The following PCSK2 variants were observed in gnomAD, a reference collection of about 807,000 sequenced individuals.
The protein encoded by PCSK2 is neuroendocrine convertase 2.
In PCSK2, 14 loss-of-function variants were observed where a neutral mutation model predicts 69.7. That is an observed-to-expected ratio of 0.20 (90% CI 0.13 to 0.31). The LOEUF is 0.31. PCSK2 is among the 10% of genes least tolerant of loss of function. PCSK2 has a pLI of 1.00. For synonymous variants in PCSK2, 307 were observed against 320.7 expected (o/e 0.96, Z 0.46); for missense variants, 544 against 842.5 (o/e 0.65, Z 4.39).
intron 2 of PCSK2, among the ~76,000 whole-genome samples, chr20:17,335,968 G>A (rs1333371957): frequency 6.6e-6 from 1 of 151,682 alleles, no homozygotes; most frequent in East Asian, 1.9e-4. Flanking sequence ...TTTGAATTGT[G>A]TGGCTCATCA....
In PCSK2 at chr20:17,339,797, G is replaced by A. The variant is rs138742120; in HGVS notation, c.283-18530G>A. ...CAGCTCCCCTGTCATTGCTGCCCTC[G>A]GTCTAAGGACCAGCAATGGAAAAGA... On this transcript the variant is annotated intron_variant, in intron 2 of 11. Coordinates refer to ENST00000262545, the MANE Select transcript of PCSK2 (RefSeq NM_002594.5). 4.2e-3 allele frequency among the ~76,000 whole-genome samples: 636 copies of A among 152,186 alleles called. 1 individual carries two copies. Among genetic ancestry groups the A allele is most frequent in the East Asian group, 0.018 (92 of 5,170 alleles).
chr20:17,453,400 C>T lies in PCSK2; in HGVS notation c.886-342C>T, dbSNP rs2032861631. 6.6e-6 allele frequency among the ~76,000 whole-genome samples: 1 copy of T among 152,030 alleles called. No homozygotes were observed. Among genetic ancestry groups the T allele is most frequent in the Non-Finnish European group, 1.5e-5 (1 of 67,994 alleles). ...AGAGAGTTGTTTTTTATTTTCCTTT[C>T]CATACAGTTAGACTTTTCATTGTGA... On this transcript the variant is annotated intron_variant, in intron 8 of 11. Coordinates refer to ENST00000262545, the MANE Select transcript of PCSK2 (RefSeq NM_002594.5). The surrounding 1 kb of genome is among the most constrained non-coding windows in gnomAD (Gnocchi z 4.0).
chr20:17,446,103 A>G lies in PCSK2; in HGVS notation c.886-7639A>G, dbSNP rs1371530487. ...GAAATTCACCCGAGGTTAGAAGTTG[A>G]CATGAATGTAAACTCAGCAGCACCT... is the stretch of plus-strand genomic sequence containing the variant. On this transcript the variant is annotated intron_variant, in intron 8 of 11. Coordinates refer to ENST00000262545, the MANE Select transcript of PCSK2 (RefSeq NM_002594.5). 8.5e-5 allele frequency among the ~76,000 whole-genome samples: 13 copies of G among 152,350 alleles called. No individual in the cohort carries two copies. The East Asian group carries it at 2.5e-3, about 29-fold the overall frequency.
At chr20:17,337,019 C>T (rs1990372076) in intron 2 of PCSK2, among the ~76,000 whole-genome samples, 1 of 152,152 alleles carries the variant, frequency 6.6e-6, no homozygotes, top group African/African-American at 2.4e-5. Flanking sequence ...AGAAACCATG[C>T]ATCAACATTA....
intron 7 of PCSK2, among the ~76,000 whole-genome samples, chr20:17,436,362 G>T (rs1359471059): frequency 6.6e-6 from 1 of 152,142 alleles, no homozygotes; most frequent in Non-Finnish European, 1.5e-5. Context: ...AAACTTGGCT[G>T]CAGCCAACAC....
chr20:17,402,914 G>A (rs1455095344), intron 5 of PCSK2, among the ~76,000 whole-genome samples: 1 of 150,476 alleles, frequency 6.6e-6, no homozygotes, highest in East Asian at 1.9e-4. Context: ...CCAAGATCAC[G>A]CCACTGCACT....
chr20:17,326,746 C>T (rs540461303), intron 2 of PCSK2, among the ~76,000 whole-genome samples: 11 of 152,306 alleles, frequency 7.2e-5, no homozygotes, highest in South Asian at 4.1e-4. Flanking sequence ...TTACAAATGA[C>T]GGATTTGTTA....
chr20:17,277,907 A>G (rs1213052495), intron 2 of PCSK2, among the ~76,000 whole-genome samples: 1 of 152,144 alleles, frequency 6.6e-6, no homozygotes, highest in Non-Finnish European at 1.5e-5. Flanking sequence ...AAAGTGGGCG[A>G]AGGATATGAA....
chr20:17,308,270 C>T (rs1442842158), intron 2 of PCSK2, among the ~76,000 whole-genome samples: 4 of 152,224 alleles, frequency 2.6e-5, no homozygotes, highest in African/African-American at 9.6e-5. Flanking sequence ...ACCTCCAACA[C>T]TGGGGATTAC....
chr20:17,433,438 T>C (rs118130271), intron 7 of PCSK2, among the ~76,000 whole-genome samples: 4,594 of 152,310 alleles, frequency 0.03, 94 homozygotes, highest in South Asian at 0.064. Context: ...AAAAGTGGCA[T>C]TGATGAGCAC....
chr20:17,453,373 CTA>C lies in PCSK2; in HGVS notation c.886-368_886-367del, dbSNP rs1418092720. The stretch of plus-strand genomic sequence containing the variant: ...TGTAAGAATGAGATAATAATTACCT[CTA>C]GAGAGTTGTTTTTTATTTTCCTTTC... On this transcript the variant is annotated intron_variant, in intron 8 of 11. Coordinates refer to ENST00000262545, the MANE Select transcript of PCSK2 (RefSeq NM_002594.5). This position sits in a 1 kb window ranked among gnomAD's most constrained non-coding sequence, Gnocchi z 4.0. Among the ~76,000 whole-genome samples, 2 of 152,114 alleles carry C rather than the reference CTA, an allele frequency of 1.3e-5. No homozygotes were observed. The highest frequency in any genetic ancestry group is 2.9e-5 in the Non-Finnish European group (2 of 68,018).
At position 17,370,608 on chromosome 20, in the gene PCSK2, G is replaced by A. The variant is rs187485466; in HGVS notation, c.543+1331G>A. Among the ~76,000 whole-genome samples the A allele has an allele frequency of 1.9e-3, 287 of 152,228 alleles. 1 individual carries two copies. The highest frequency in any genetic ancestry group is 6.2e-3 in the African/African-American group (256 of 41,536). On this transcript the variant is annotated intron_variant, in intron 5 of 11. Transcript: ENST00000262545. ...ACCATTGTAAACTGCCTGTGCCAGCGGTCCTGTGTGTGGAGTCTGAGGAAA... is the reference window on the plus strand; with the variant it reads ...ACCATTGTAAACTGCCTGTGCCAGCAGTCCTGTGTGTGGAGTCTGAGGAAA...
intron 2 of PCSK2, among the ~76,000 whole-genome samples, chr20:17,261,306 T>C (rs1987375449): frequency 6.6e-6 from 1 of 152,222 alleles, no homozygotes; most frequent in African/African-American, 2.4e-5. Flanking sequence ...TTAAGGACTT[T>C]CACATGAGAT....
chr20:17,440,371 T>G (rs555425622), intron 8 of PCSK2, among the ~76,000 whole-genome samples: 160 of 152,314 alleles, frequency 1.1e-3, no homozygotes, highest in African/African-American at 3.7e-3. Flanking sequence ...CCCTAACATA[T>G]GGTTTCTTAA....
At chr20:17,406,619 A>G (rs1204074865) in intron 5 of PCSK2, among the ~76,000 whole-genome samples, 8 of 152,186 alleles carry the variant, frequency 5.3e-5, no homozygotes, top group Non-Finnish European at 8.8e-5. Flanking sequence ...TGTCCGGCCA[A>G]ACTATTTTCC....
At chr20:17,468,064 A>G (rs2033132091) in intron 11 of PCSK2, among the ~76,000 whole-genome samples, 1 of 49,284 alleles carries the variant, frequency 2.0e-5, no homozygotes, top group Non-Finnish European at 4.6e-5. Context: ...ATAGGTAAGC[A>G]TCCTCCCACG....
intron 11 of PCSK2, among the ~76,000 whole-genome samples, chr20:17,481,153 G>T (rs1185414481): frequency 6.6e-6 from 1 of 151,996 alleles, no homozygotes. Flanking sequence ...GGCCAAGGCA[G>T]CTGGATCACT....
At chr20:17,246,451 A>C (rs1986774415) in intron 1 of PCSK2, among the ~76,000 whole-genome samples, 1 of 152,236 alleles carries the variant, frequency 6.6e-6, no homozygotes, top group African/African-American at 2.4e-5. Context: ...AAATTACAGT[A>C]ATTACTCACA....
intron 5 of PCSK2, among the ~76,000 whole-genome samples, chr20:17,379,657 T>A (rs2123250293): frequency 1.3e-5 from 2 of 152,322 alleles, no homozygotes; most frequent in South Asian, 4.1e-4. Flanking sequence ...CTGTAAGCAC[T>A]CTGTATAGTC....
Sources: gnomAD v4.1 joint callset for allele counts (sites outside exome capture counted in the v4.1 genomes callset) on GRCh38, gnomAD v4.1.1 for gene constraint, Gnocchi (gnomAD v3.1) non-coding constraint, MANE v1.5 for transcripts, NCBI Gene and HGNC (gene_info 2026-07-23, HGNC 2026-07-21) for gene names.